SAMD5: variants seen among roughly 807,000 people sequenced by gnomAD.
SAMD5 encodes the protein sterile alpha motif domain-containing protein 5.
In SAMD5, 13 loss-of-function variants were observed where a neutral mutation model predicts 11.3. The ratio of observed to expected loss-of-function variants is 1.15; its 90% CI spans 0.75 to 1.83. SAMD5 has a LOEUF of 1.83. Ranked by LOEUF, SAMD5 falls within the 40% of genes most tolerant of loss-of-function variation. SAMD5 has a pLI of 0.00. For missense variants in SAMD5, 255 were observed against 239.1 expected, an observed-to-expected ratio of 1.07 and a Z score of -0.44; for synonymous variants, 129 against 111.3, an observed-to-expected ratio of 1.16 and a Z score of -1.00.
chr6:147,650,322 A>T (rs1790465693), intron 1 of SAMD5, among the ~76,000 whole-genome samples: 1 of 152,142 alleles, frequency 6.6e-6, no homozygotes, highest in Non-Finnish European at 1.5e-5. Context: ...CTTTCAAAGG[A>T]TTAGTGGAGT....
the SAMD5 span, among the ~76,000 whole-genome samples, chr6:147,917,023 G>T: frequency 1.5e-4 from 21 of 144,762 alleles, no homozygotes; most frequent in South Asian, 4.7e-3. Flanking sequence ...ACATACATGT[G>T]CATGTGTCTT....
chr6:147,925,139 G>T, the SAMD5 span, among the ~76,000 whole-genome samples: 1 of 152,184 alleles, frequency 6.6e-6, no homozygotes, highest in East Asian at 1.9e-4. Context: ...GGTATTAGGA[G>T]ATGGGGCCTT....
In SAMD5 at chr6:147,671,363, A is replaced by C. The variant is rs117604182; in HGVS notation, c.163-65954A>C. ...AAGACTTGTTTGATGCAGGCTTGCC[A>C]CAGACTTTCCATCTGTGAAGAGTGC... On this transcript the variant is annotated intron_variant, in intron 1 of 1. Transcript: ENST00000566741. Among the ~76,000 whole-genome samples, 648 of 152,334 alleles carry C rather than the reference A, an allele frequency of 4.3e-3. 2 individuals carry two copies. The highest frequency in any genetic ancestry group is 6.6e-3 in the Non-Finnish European group (450 of 68,028).
At chr6:147,909,632 C>CTCTCTCTTTCTTTCTTTCTTTCTT in the SAMD5 span, among the ~76,000 whole-genome samples, 3 of 61,148 alleles carry the variant, frequency 4.9e-5, no homozygotes, top group Admixed American at 1.8e-4. Context: ...TTCTTTCTTT[C>CTCTCTCTTTCTTTCTTTCTTTCTT]TCTTTCTTGT....
intron 1 of SAMD5, among the ~76,000 whole-genome samples, chr6:147,632,084 G>A (rs1255594270): frequency 6.6e-6 from 1 of 152,056 alleles, no homozygotes; most frequent in African/African-American, 2.4e-5. Context: ...TGACCGATGA[G>A]AAGGAGAAAA....
In SAMD5 at chr6:147,672,041, G is replaced by A. The variant is rs940736851; in HGVS notation, c.163-65276G>A. Reference sequence around the variant, plus strand: ...ATAAATAAATTTTAGGAGCGTTTACGTGTTTACAATATTGAGTTTTCCAAC... The same window carrying A: ...ATAAATAAATTTTAGGAGCGTTTACATGTTTACAATATTGAGTTTTCCAAC... On this transcript the variant is annotated intron_variant, in intron 1 of 1. Coordinates refer to the SAMD5 transcript ENST00000566741. 5.3e-5 allele frequency among the ~76,000 whole-genome samples: 8 copies of A among 151,814 alleles called. No homozygotes were observed. The South Asian group carries it at 6.2e-4, about 12-fold the overall frequency.
At chr6:147,848,883 T>C in the SAMD5 span, among the ~76,000 whole-genome samples, 1 of 152,216 alleles carries the variant, frequency 6.6e-6, no homozygotes, top group Non-Finnish European at 1.5e-5. Context: ...GGCATTTGAA[T>C]CATTTCCTTC....
intron 1 of SAMD5, among the ~76,000 whole-genome samples, chr6:147,542,854 G>A (rs1228940006): frequency 1.3e-5 from 2 of 152,166 alleles, no homozygotes; most frequent in African/African-American, 4.8e-5. Context: ...TTGGGAAAGG[G>A]CTGTTACTGT....
chr6:147,591,049 G>A (rs562224089), intron 1 of SAMD5, among the ~76,000 whole-genome samples: 1 of 151,820 alleles, frequency 6.6e-6, no homozygotes, highest in Non-Finnish European at 1.5e-5. Context: ...TTAAAAAGCT[G>A]TTAAACAATG....
chr6:147,735,184 T>A (rs1002766919), intron 1 of SAMD5, among the ~76,000 whole-genome samples: 1 of 152,244 alleles, frequency 6.6e-6, no homozygotes, highest in Non-Finnish European at 1.5e-5. Flanking sequence ...TGATCAATAC[T>A]CTGTTATTGG....
At chr6:147,912,467 C>A in the SAMD5 span, among the ~76,000 whole-genome samples, 1 of 152,106 alleles carries the variant, frequency 6.6e-6, no homozygotes, top group African/African-American at 2.4e-5. Flanking sequence ...AGCTGCTTAA[C>A]TTTAAATAGC....
intron 1 of SAMD5, among the ~76,000 whole-genome samples, chr6:147,674,953 C>T (rs574129340): frequency 2.6e-4 from 40 of 152,292 alleles, no homozygotes; most frequent in Non-Finnish European, 4.7e-4. Context: ...TATGAGAAAA[C>T]ACTAACCCTT....
At chr6:147,924,424 T>G in the SAMD5 span, among the ~76,000 whole-genome samples, 1 of 152,252 alleles carries the variant, frequency 6.6e-6, no homozygotes, top group Middle Eastern at 3.4e-3. Context: ...ATAAAGAGTC[T>G]TCATATTACT....
intron 1 of SAMD5, among the ~76,000 whole-genome samples, chr6:147,705,521 G>A (rs868100414): frequency 7.2e-5 from 11 of 151,938 alleles, no homozygotes; most frequent in Admixed American, 1.3e-4. Flanking sequence ...GATTTCTGCC[G>A]TGTTTCTGAA....
chr6:147,565,979 T>G lies in SAMD5; in HGVS notation c.*1523T>G, dbSNP rs1789034152. ...ATCGGCACCGTCATGGTAAGAAGAA[T>G]AAGAAACTCTCAAAGGAAAAGAAAC... On this transcript the variant is annotated 3_prime_UTR_variant, in exon 2 of 2. Transcript: ENST00000367474. The G allele has an allele frequency of 1.0e-6, 1 of 985,288 alleles. No homozygotes were observed. The highest frequency in any genetic ancestry group is 1.7e-5 in the African/African-American group (1 of 57,344). The allele number at this position is 985,288 out of a possible 1,614,324, so 61.0% of individuals were successfully genotyped here. A position where few individuals can be genotyped will look rare whatever the true frequency, so the allele number is the denominator to read the frequency against.
intron 1 of SAMD5, among the ~76,000 whole-genome samples, chr6:147,558,038 CAGCCGTTTGCTG>C (rs1431733735): frequency 2.0e-5 from 3 of 152,204 alleles, no homozygotes; most frequent in Non-Finnish European, 4.4e-5. Flanking sequence ...TAAATATTAG[CAGCCGTTTGCTG>C]CTGTTGCTGG....
At chr6:147,834,478 C>T in the SAMD5 span, among the ~76,000 whole-genome samples, 8 of 152,058 alleles carry the variant, frequency 5.3e-5, no homozygotes, top group African/African-American at 1.4e-4. Flanking sequence ...TTAAAAGCAC[C>T]GGAGTGATAA....
chr6:147,561,986 C>A (rs529356867), intron 1 of SAMD5, among the ~76,000 whole-genome samples: 2 of 152,274 alleles, frequency 1.3e-5, no homozygotes, highest in Admixed American at 1.3e-4. Context: ...ATCTGCCCCC[C>A]ACCTACTCCC....
intron 1 of SAMD5, among the ~76,000 whole-genome samples, chr6:147,665,406 A>G (rs1790703838): frequency 1.3e-5 from 2 of 152,202 alleles, no homozygotes; most frequent in South Asian, 4.1e-4. Context: ...CCTTCATTGA[A>G]TATTTTCTGT....
Sources: gnomAD v4.1 joint callset for allele counts (sites outside exome capture counted in the v4.1 genomes callset) on GRCh38, gnomAD v4.1.1 for gene constraint, MANE v1.5 for transcripts, NCBI Gene and HGNC (gene_info 2026-07-23, HGNC 2026-07-21) for gene names.